Variants in SPPL2A observed in about 807,000 individuals in gnomAD.
The protein encoded by SPPL2A is signal peptide peptidase like 2A.
A neutral mutation model predicts 63.8 loss-of-function variants in SPPL2A; 51 were observed. The observed-to-expected ratio is 0.80, with a 90% CI of 0.64 to 1.01. The LOEUF (loss-of-function observed/expected upper bound fraction) is 1.01. SPPL2A is among the 50% of genes least tolerant of loss of function. The pLI is 0.00. For missense variants in SPPL2A, 553 were observed against 622.7 expected, an observed-to-expected ratio of 0.89 and a Z score of 1.19; for synonymous variants, 188 against 205.8, an observed-to-expected ratio of 0.91 and a Z score of 0.74.
At chr15:50,711,518 G>A (rs890365778) in intron 14 of SPPL2A, among the ~76,000 whole-genome samples, 1 of 151,936 alleles carries the variant, frequency 6.6e-6, no homozygotes, top group Non-Finnish European at 1.5e-5. Flanking sequence ...GGCCAAATTA[G>A]TATTATTTTA....
intron 14 of SPPL2A, among the ~76,000 whole-genome samples, chr15:50,708,317 G>A (rs947619434): frequency 2.0e-5 from 3 of 152,162 alleles, no homozygotes; most frequent in Non-Finnish European, 4.4e-5. Context: ...TTGACACCTT[G>A]AAATAACCGT....
At chr15:50,757,089 C>CTTTTTTT (rs57100103) in intron 1 of SPPL2A, among the ~76,000 whole-genome samples, 3 of 128,384 alleles carry the variant, frequency 2.3e-5, no homozygotes, top group African/African-American at 6.1e-5. Flanking sequence ...TAAATCCTTT[C>CTTTTTTT]TTTTTTTTTT....
At chr15:50,758,297 A>T (rs2062978955) in intron 1 of SPPL2A, among the ~76,000 whole-genome samples, 1 of 151,002 alleles carries the variant, frequency 6.6e-6, no homozygotes, top group African/African-American at 2.4e-5. Flanking sequence ...TCAAAAAAAA[A>T]AAAAGAACAA....
intron 10 of SPPL2A, among the ~76,000 whole-genome samples, chr15:50,727,159 C>T (rs1025811367): frequency 3.3e-5 from 5 of 152,102 alleles, no homozygotes; most frequent in Admixed American, 2.6e-4. Context: ...TTTTATCATT[C>T]GTATTATTGT....
intron 1 of SPPL2A, among the ~76,000 whole-genome samples, chr15:50,755,073 A>G (rs569922662): frequency 7.9e-5 from 12 of 152,216 alleles, no homozygotes; most frequent in African/African-American, 2.9e-4. Flanking sequence ...TAATCCCAGC[A>G]CTTTGGGAGG....
chr15:50,726,345 A>G lies in SPPL2A; in HGVS notation c.1122T>C (p.Ala374=). The G allele has an allele frequency of 2.5e-6, 4 of 1,614,134 alleles. No individual in the cohort carries two copies. Among genetic ancestry groups the G allele is most frequent in the Non-Finnish European group, 3.4e-6 (4 of 1,179,950 alleles). ...NGESIMVELA[A]GPFGNNEKLP... is the part of the protein sequence containing the mutation. ...CCTTTTCATTATTTCCAAAAGGTCC[A>G]GCTGCGAGTTCAACCATGATACTCT... Residue 374 remains alanine, a synonymous_variant, in exon 11 of 15, where the codon GCT becomes GCC. Transcript: ENST00000261854.
chr15:50,724,495 G>A (rs1040349001), intron 12 of SPPL2A, among the ~76,000 whole-genome samples: 3 of 151,872 alleles, frequency 2.0e-5, no homozygotes, highest in South Asian at 2.1e-4. Context: ...GGAGAATGGC[G>A]TGAACCTGGG....
chr15:50,709,725 G>GAAA (rs2062542030), intron 14 of SPPL2A, among the ~76,000 whole-genome samples: 1 of 152,018 alleles, frequency 6.6e-6, no homozygotes, highest in Non-Finnish European at 1.5e-5. Context: ...GAGAGGCAGA[G>GAAA]GCTTTGCTGA....
chr15:50,735,221 G>C (rs745550960), intron 8 of SPPL2A, among the ~76,000 whole-genome samples: 3 of 152,022 alleles, frequency 2.0e-5, no homozygotes, highest in Non-Finnish European at 4.4e-5. Context: ...GTTCTCTTTT[G>C]TATCTGACTA....
rs777114722 is a variant in SPPL2A at position 50,722,151 on chromosome 15, A to G, written c.1300T>C (p.Tyr434His). ...ACTGTAGACGAAACATAGTATATGTAAGAAGAACCAGTCTGAACATCAAAT... is the reference window on the plus strand; with the variant it reads ...ACTGTAGACGAAACATAGTATATGTGAGAAGAACCAGTCTGAACATCAAAT... ...RRFDVQTGSS[Y>H]IYYVSSTVAY... The change falls in exon 13 of 15, where the codon TAC (tyrosine) becomes CAC (histidine). Residue 434 changes from tyrosine (Y) to histidine (H), a missense_variant. By Grantham distance (83) the Tyr-to-His change is moderately conservative (BLOSUM62 2). Coordinates refer to ENST00000261854, the MANE Select transcript of SPPL2A (RefSeq NM_032802.4). 3 of 1,596,282 alleles carry G rather than the reference A, an allele frequency of 1.9e-6. No homozygotes were observed. The highest frequency in any genetic ancestry group is 1.7e-6 in the Non-Finnish European group (2 of 1,166,902).
intron 1 of SPPL2A, among the ~76,000 whole-genome samples, chr15:50,752,931 T>C (rs1490809000): frequency 6.6e-6 from 1 of 152,026 alleles, no homozygotes; most frequent in Non-Finnish European, 1.5e-5. Flanking sequence ...ACCTTTTTAA[T>C]AAAAAATGAG....
In SPPL2A at chr15:50,726,895, C is replaced by T. The variant is rs759122029; in HGVS notation, c.1090-518G>A. 6.6e-5 allele frequency among the ~76,000 whole-genome samples: 10 copies of T among 152,312 alleles called. No homozygotes were observed. In the South Asian group the frequency reaches 8.3e-4, roughly 13 times the overall value. ...ACAATAACAAAACAATGAAACCAAACTCGAAAAGACCCAACCCTATAGAAT... is the reference window on the plus strand; with the variant it reads ...ACAATAACAAAACAATGAAACCAAATTCGAAAAGACCCAACCCTATAGAAT... On this transcript the variant is annotated intron_variant, in intron 10 of 14. Transcript: ENST00000261854.
At chr15:50,755,111 A>T (rs918975040) in intron 1 of SPPL2A, among the ~76,000 whole-genome samples, 1 of 151,496 alleles carries the variant, frequency 6.6e-6, no homozygotes, top group South Asian at 2.1e-4. Flanking sequence ...CGAGGTCAGG[A>T]GATCGAAACC....
In SPPL2A at chr15:50,714,397, C is replaced by T. The variant is rs528779300; in HGVS notation, c.1488+5543G>A. Among the ~76,000 whole-genome samples, 53 of 152,100 alleles carry T rather than the reference C, an allele frequency of 3.5e-4. No individual in the cohort carries two copies. The East Asian group carries it at 9.9e-3, about 28-fold the overall frequency. On this transcript the variant is annotated intron_variant, in intron 14 of 14. Coordinates refer to ENST00000261854, the MANE Select transcript of SPPL2A (RefSeq NM_032802.4). ...CTATAATCCCAGCACTTTGGGAGGC[C>T]GAGGTTGGTGGATCATCGAGGGTCA...
intron 8 of SPPL2A, among the ~76,000 whole-genome samples, chr15:50,734,691 C>G (rs1167623899): frequency 6.6e-6 from 1 of 152,042 alleles, no homozygotes. Context: ...ATGTTCCCAA[C>G]ACAAAGAAAT....
chr15:50,717,155 T>C (rs1039088427), intron 14 of SPPL2A, among the ~76,000 whole-genome samples: 1 of 152,204 alleles, frequency 6.6e-6, no homozygotes, highest in Non-Finnish European at 1.5e-5. Flanking sequence ...TAATTTAGGC[T>C]TCTATCACTT....
chr15:50,730,898 T>C, intron 10 of SPPL2A, 67 bp downstream of exon 10: 2 of 704,960 alleles, frequency 2.8e-6, no homozygotes, highest in Non-Finnish European at 2.6e-6. Context: ...ATTAATAATC[T>C]AGGAGCAGAT....
rs538702897 is a variant in SPPL2A at position 50,754,154 on chromosome 15, A to G, written c.67-4408T>C. On this transcript the variant is annotated intron_variant, in intron 1 of 14. Coordinates refer to ENST00000261854, the MANE Select transcript of SPPL2A (RefSeq NM_032802.4). ...CAGTTTTAGTTTTACAGCAAAATAA[A>G]GCAGAGAATACAGAGTTTTGACATA... Among the ~76,000 whole-genome samples the G allele has an allele frequency of 7.2e-5, 11 of 152,340 alleles. No homozygotes were observed. In the East Asian group the frequency reaches 2.1e-3, roughly 29 times the overall value.
intron 14 of SPPL2A, among the ~76,000 whole-genome samples, chr15:50,710,881 A>T (rs906658658): frequency 6.6e-5 from 10 of 152,224 alleles, no homozygotes; most frequent in African/African-American, 2.4e-4. Context: ...TGCCCAGAGA[A>T]AAATAGCCCA....
Sources: allele counts gnomAD v4.1 joint callset (sites outside exome capture counted in the v4.1 genomes callset), GRCh38; gene constraint gnomAD v4.1.1; transcripts MANE v1.5; gene names NCBI Gene and HGNC (gene_info 2026-07-23, HGNC 2026-07-21).